Variants in ST18 observed in about 807,000 individuals in gnomAD.
ST18 encodes ST18 C2H2C-type zinc finger transcription factor, also known as suppression of tumorigenicity 18 protein.
Under a neutral mutation model 110.0 loss-of-function variants are expected in ST18, and 50 were observed. That is an observed-to-expected ratio of 0.45 (90% CI 0.36 to 0.58). The LOEUF (loss-of-function observed/expected upper bound fraction) is 0.58, where lower values mean the gene tolerates loss of function less well. Among genes scored for constraint, ST18 ranks in the 20% least tolerant of loss-of-function variants. The pLI is 0.00. For synonymous variants in ST18, 461 were observed against 452.4 expected (o/e 1.02, Z -0.24); for missense variants, 1,306 against 1,280.1 (o/e 1.02, Z -0.31).
intron 23 of ST18, among the ~76,000 whole-genome samples, chr8:52,124,052 G>C (rs1244916838): frequency 6.6e-6 from 1 of 152,146 alleles, no homozygotes; most frequent in African/African-American, 2.4e-5. Context: ...GCTTCTAAAA[G>C]GCAAGGTCAA....
At chr8:52,297,833 C>A (rs1010372504) in intron 2 of ST18, among the ~76,000 whole-genome samples, 43 of 152,040 alleles carry the variant, frequency 2.8e-4, no homozygotes, top group African/African-American at 8.5e-4. Flanking sequence ...ACTATGCATG[C>A]CCAGGAAAAA....
At chr8:52,137,544 C>T in intron 17 of ST18, 61 bp from the exon 18 acceptor site, 7 of 1,559,454 alleles carry the variant, frequency 4.5e-6, no homozygotes, top group Non-Finnish European at 6.2e-6. Flanking sequence ...ATTTCCTCTG[C>T]CCAGTAGATT....
At chr8:52,210,284 T>C (rs1283490619) in intron 8 of ST18, among the ~76,000 whole-genome samples, 1 of 152,194 alleles carries the variant, frequency 6.6e-6, no homozygotes, top group Non-Finnish European at 1.5e-5. Flanking sequence ...ATAATTTAAA[T>C]GAGCAAGGTT....
At chr8:52,117,027 C>T (rs903589925) in intron 24 of ST18, among the ~76,000 whole-genome samples, 2 of 152,192 alleles carry the variant, frequency 1.3e-5, no homozygotes, top group African/African-American at 4.8e-5. Flanking sequence ...GATTATGTTA[C>T]TCGTTAGCTC....
intron 7 of ST18, among the ~76,000 whole-genome samples, chr8:52,213,122 T>A (rs559084105): frequency 1.3e-5 from 2 of 152,246 alleles, no homozygotes; most frequent in African/African-American, 4.8e-5. Flanking sequence ...TAATATAAAG[T>A]AAGACTGGAA....
In ST18 at chr8:52,192,013, A is replaced by G. The variant is rs574198864; in HGVS notation, c.87-11701T>C. On this transcript the variant is annotated intron_variant, in intron 8 of 25. Coordinates refer to ENST00000689386, the MANE Select transcript of ST18 (RefSeq NM_001352837.2). ...CATTAATCCACCCACAGACAGAACA[A>G]CCTGGCCAGGTGGAGTTGTCTAGTC... Among the ~76,000 whole-genome samples, 109 of 152,224 alleles carry G rather than the reference A, an allele frequency of 7.2e-4. No homozygotes were observed. The Middle Eastern group carries it at 0.01, about 14-fold the overall frequency.
intron 7 of ST18, 73 bp from the exon 8 acceptor site, chr8:52,212,182 TC>T (rs986724178): frequency 4.7e-5 from 68 of 1,448,524 alleles, no homozygotes; most frequent in South Asian, 9.8e-5. Flanking sequence ...TGGAAACTTT[TC>T]CCCCACCTAG....
intron 8 of ST18, among the ~76,000 whole-genome samples, chr8:52,207,052 TA>T (rs1422513660): frequency 1.3e-5 from 2 of 152,154 alleles, no homozygotes; most frequent in East Asian, 3.8e-4. Context: ...AACTGAATTC[TA>T]AAAAAATTCC....
intron 2 of ST18, among the ~76,000 whole-genome samples, chr8:52,300,763 G>T (rs1046419639): frequency 1.3e-5 from 2 of 152,200 alleles, no homozygotes; most frequent in Admixed American, 1.3e-4. Flanking sequence ...GAAGAGCAGA[G>T]TTGAATAGTT....
intron 23 of ST18, among the ~76,000 whole-genome samples, chr8:52,125,405 A>ATG (rs1554578422): frequency 4.6e-5 from 7 of 151,458 alleles, no homozygotes; most frequent in African/African-American, 9.7e-5. Flanking sequence ...ACACACACAC[A>ATG]TACACACACA....
In ST18 at chr8:52,253,670, C is replaced by T. The variant is rs139885523; in HGVS notation, c.-464-23593G>A. On this transcript the variant is annotated intron_variant, in intron 2 of 25. Coordinates refer to ENST00000689386, the MANE Select transcript of ST18 (RefSeq NM_001352837.2). ...GTTATTCATATACAATTGTGTTAAC[C>T]TCTCATCCCTCACAAAGATCTCCCC... 2.0e-5 allele frequency among the ~76,000 whole-genome samples: 3 copies of T among 152,120 alleles called. No homozygotes were observed. In the South Asian group the frequency reaches 6.2e-4, roughly 32 times the overall value.
chr8:52,387,828 C>G (rs552892859), intron 2 of ST18, among the ~76,000 whole-genome samples: 1 of 152,226 alleles, frequency 6.6e-6, no homozygotes, highest in Admixed American at 6.5e-5. Flanking sequence ...GGTTTGTGAA[C>G]ACAGGTAACT....
intron 8 of ST18, among the ~76,000 whole-genome samples, chr8:52,191,076 T>C (rs2074311426): frequency 6.6e-6 from 1 of 152,162 alleles, no homozygotes; most frequent in Non-Finnish European, 1.5e-5. Context: ...AATCACACAT[T>C]GAGAGACAAG....
At chr8:52,267,260 G>A (rs940887393) in intron 2 of ST18, among the ~76,000 whole-genome samples, 3 of 152,014 alleles carry the variant, frequency 2.0e-5, no homozygotes, top group African/African-American at 4.8e-5. Context: ...ATGGTGCCAA[G>A]AGTGGTATTA....
intron 2 of ST18, among the ~76,000 whole-genome samples, chr8:52,319,731 T>C (rs970578700): frequency 1.1e-4 from 17 of 152,210 alleles, no homozygotes; most frequent in African/African-American, 4.1e-4. Flanking sequence ...GTTGCTTGTT[T>C]GCTTCTGGTC....
At chr8:52,282,407 C>G (rs1377866444) in intron 2 of ST18, among the ~76,000 whole-genome samples, 1 of 152,160 alleles carries the variant, frequency 6.6e-6, no homozygotes, top group Non-Finnish European at 1.5e-5. Flanking sequence ...CATGTAACAG[C>G]TTAAATAGAA....
At chr8:52,367,233 G>GCCACACACAAACACAC (rs1564591511) in intron 2 of ST18, among the ~76,000 whole-genome samples, 2 of 131,214 alleles carry the variant, frequency 1.5e-5, no homozygotes, top group Non-Finnish European at 3.1e-5. Context: ...GCGGGACCCT[G>GCCACACACAAACACAC]TCTCACACAC....
intron 15 of ST18, among the ~76,000 whole-genome samples, chr8:52,153,811 A>G (rs1369821579): frequency 3.3e-5 from 5 of 152,330 alleles, no homozygotes; most frequent in South Asian, 4.1e-4. Flanking sequence ...GTAATTTAGT[A>G]TCTCTGTACT....
At chr8:52,168,219 T>C (rs1005519856) in intron 10 of ST18, among the ~76,000 whole-genome samples, 1 of 145,104 alleles carries the variant, frequency 6.9e-6, no homozygotes, top group Non-Finnish European at 1.5e-5. Context: ...GCTATCGGGG[T>C]CTGCAACATG....
Sources: allele counts gnomAD v4.1 joint callset (sites outside exome capture counted in the v4.1 genomes callset), GRCh38; gene constraint gnomAD v4.1.1; transcripts MANE v1.5; gene names NCBI Gene and HGNC (gene_info 2026-07-23, HGNC 2026-07-21).